The following ABCA3 variants were observed in gnomAD, a reference collection of about 807,000 sequenced individuals.
ABCA3 encodes phospholipid-transporting ATPase ABCA3.
Under a neutral mutation model 172.8 loss-of-function variants are expected in ABCA3, and 88 were observed. The observed-to-expected ratio is 0.51, with a 90% CI of 0.43 to 0.61. ABCA3 has a LOEUF of 0.61. Among genes scored for constraint, ABCA3 ranks in the 20% least tolerant of loss-of-function variants. The pLI, the probability that ABCA3 is intolerant of heterozygous loss-of-function variation, is 0.00. For synonymous variants in ABCA3, 1,066 were observed against 983.8 expected, an observed-to-expected ratio of 1.08 and a Z score of -1.56; for missense variants, 2,164 against 2,301.0, an observed-to-expected ratio of 0.94 and a Z score of 1.22.
Position 2,289,502 on chromosome 16 carries a change from T to C in ABCA3, c.2632A>G (p.Met878Val), listed in dbSNP as rs2093668552. The change falls in exon 20 of 33, where the codon ATG (methionine) becomes GTG (valine). Residue 878 changes from methionine to valine, a missense_variant. Physicochemically the swap from Met to Val is conservative, Grantham distance 21 (BLOSUM62 1). Coordinates refer to ENST00000301732, the MANE Select transcript of ABCA3 (RefSeq NM_001089.3). ...GCTCCAATGCCGTCGGAGGGGTCCA[T>C]GGCCCCACAGAGGTTGCTGTCCACA... The part of the protein sequence containing the change: ...WAVDSNLCGA[M>V]DPSDGIGALI... 2 of 1,578,294 alleles carry C rather than the reference T, an allele frequency of 1.3e-6. No homozygotes were observed. The highest frequency in any genetic ancestry group is 1.1e-5 in the South Asian group (1 of 87,052).
At position 2,285,720 on chromosome 16, in the gene ABCA3, T is replaced by G; in HGVS notation, c.3279-74A>C. On this transcript the variant is annotated intron_variant, in intron 22 of 32. Transcript: ENST00000301732. The surrounding 1 kb of genome is among the most constrained non-coding windows in gnomAD (Gnocchi z 4.7). The stretch of plus-strand genomic sequence containing the variant: ...GCAGGAGAGGTCGGGTTCTCGGTTA[T>G]GACCGCCCAAGGCATGCAGGGCAGC... The G allele has an allele frequency of 2.0e-6, 3 of 1,465,754 alleles. No individual in the cohort carries two copies. The East Asian group carries it at 7.4e-5, about 36-fold the overall frequency. The allele number at this position is 1,465,754 out of a possible 1,614,324, so 90.8% of individuals were successfully genotyped here.
rs532848561 is a variant in ABCA3 at position 2,283,720 on chromosome 16, A to G, written c.3863-362T>C. Reference sequence around the variant, plus strand: ...TGAGGAGGCCCCACAGGACAGGTCCAAGTTCTGTCCCCCTGGACCTGGGGT... The same window carrying G: ...TGAGGAGGCCCCACAGGACAGGTCCGAGTTCTGTCCCCCTGGACCTGGGGT... On this transcript the variant is annotated intron_variant, in intron 25 of 32. Coordinates refer to ENST00000301732, the MANE Select transcript of ABCA3 (RefSeq NM_001089.3). This position sits in a 1 kb window ranked among gnomAD's most constrained non-coding sequence, Gnocchi z 5.4. The G allele has an allele frequency of 6.1e-5, 19 of 313,790 alleles. No individual in the cohort carries two copies. Among genetic ancestry groups the G allele is most frequent in the African/African-American group, 3.8e-4 (18 of 47,108 alleles). 19.4% of individuals were successfully genotyped at this position (313,790 alleles called of 1,614,324 possible).
intron 11 of ABCA3, among the ~76,000 whole-genome samples, chr16:2,305,493 C>T (rs1443642289): frequency 6.6e-6 from 1 of 152,146 alleles, no homozygotes; most frequent in Non-Finnish European, 1.5e-5. Context: ...GACGGAGTTT[C>T]ACCATGTTGG....
chr16:2,332,620 G>A, intron 1 of ABCA3: 1 of 1,591,572 alleles, frequency 6.3e-7, no homozygotes, highest in Non-Finnish European at 8.6e-7. Context: ...CTGTAGCGTG[G>A]GCGGCTCAAT....
In ABCA3 at chr16:2,308,486, T is replaced by G. The variant is rs199499811; in HGVS notation, c.1249A>C (p.Met417Leu). ...AATTTCCCAATGAGCTGGGCTCCCA[T>G]TGCCATGGCGACATTAGACAGGAGG... ...SCLLSNVAMA[M>L]GAQLIGKFEA... Residue 417 changes from methionine (M) to leucine (L), a missense_variant, in exon 11 of 33, where the codon ATG becomes CTG. Coordinates refer to ENST00000301732, the MANE Select transcript of ABCA3 (RefSeq NM_001089.3). 3 of 1,614,150 alleles carry G rather than the reference T, an allele frequency of 1.9e-6. No individual in the cohort carries two copies. The East Asian group carries it at 6.7e-5, about 36-fold the overall frequency.
At position 2,319,623 on chromosome 16, in the gene ABCA3, G is replaced by A. The variant is rs374008345; in HGVS notation, c.831C>T (p.Thr277=). 56 of 1,613,390 alleles carry A rather than the reference G, an allele frequency of 3.5e-5. No individual in the cohort carries two copies. Among genetic ancestry groups the A allele is most frequent in the Non-Finnish European group, 4.1e-5 (48 of 1,180,034 alleles). The change falls in exon 8 of 33, where the codon ACC becomes ACT. Residue 277 remains threonine, a synonymous_variant. Transcript: ENST00000301732. ...TCTCCTGCACGACAGCACGGGCAAT[G>A]GTGAGCGCGGTGTAGGTGAAGCTGA... ...LLLSFTYTAL[T]IARAVVQEKE...
intron 11 of ABCA3, 135 bp from the exon 12 acceptor site, chr16:2,304,285 C>T (rs2093694104): frequency 6.7e-6 from 6 of 895,646 alleles, no homozygotes; most frequent in Non-Finnish European, 1.1e-5. Context: ...TTTCCCTTCC[C>T]GGTTTTATAA....
intron 11 of ABCA3, among the ~76,000 whole-genome samples, chr16:2,304,578 C>T (rs2093694615): frequency 7.0e-6 from 1 of 143,048 alleles, no homozygotes; most frequent in Non-Finnish European, 1.5e-5. Flanking sequence ...GCGATCTCGG[C>T]TCACTGCAAC....
Position 2,287,267 on chromosome 16 carries a change from C to T in ABCA3, c.3005-300G>A, listed in dbSNP as rs557315256. Among the ~76,000 whole-genome samples, 1 of 152,138 alleles carries T rather than the reference C, an allele frequency of 6.6e-6. No individual in the cohort carries two copies. The highest frequency in any genetic ancestry group is 2.1e-4 in the South Asian group (1 of 4,816). On this transcript the variant is annotated intron_variant, in intron 21 of 32. Coordinates refer to ENST00000301732, the MANE Select transcript of ABCA3 (RefSeq NM_001089.3). This position sits in a 1 kb window ranked among gnomAD's most constrained non-coding sequence, Gnocchi z 4.1. ...GTTCTGAGCCTGGGGCAGTATCCAA[C>T]TATGACTACCAAGACTCTTTCTTTT...
intron 17 of ABCA3, among the ~76,000 whole-genome samples, chr16:2,296,629 C>G (rs959318980): frequency 5.3e-5 from 8 of 152,354 alleles, no homozygotes; most frequent in Admixed American, 3.3e-4. Flanking sequence ...GTGAAACTCT[C>G]AGAGGCCGTG....
Position 2,278,529 on chromosome 16 carries a change from G to C in ABCA3, c.4548-71C>G. ...GCATTGGCTCCCATGTCCCAGTGGA[G>C]GCCCGTGTCCCAGCAGCGGCCCACA... On this transcript the variant is annotated intron_variant, in intron 29 of 32. Transcript: ENST00000301732. This position sits in a 1 kb window ranked among gnomAD's most constrained non-coding sequence, Gnocchi z 4.4. The C allele has an allele frequency of 6.3e-7, 1 of 1,577,448 alleles. No homozygotes were observed. The highest frequency in any genetic ancestry group is 8.6e-7 in the Non-Finnish European group (1 of 1,160,606).
At chr16:2,296,361 A>G (rs773646674) in intron 17 of ABCA3, among the ~76,000 whole-genome samples, 26 of 152,038 alleles carry the variant, frequency 1.7e-4, no homozygotes, top group Admixed American at 5.2e-4. Context: ...AGCCTCCCCA[A>G]GTAGCTGGGA....
rs984361642 is a variant in ABCA3, at chr16:2,295,711, C to A, written c.2293G>T (p.Glu765Ter). ...GAGYHMTLVK[E>*]PHCNPEDISQ... ...ATGTCTTCCGGGTTGCAGTGCGGCT[C>A]CTTCACCAGCGTCATGTGATAGCCG... is the stretch of plus-strand genomic sequence containing the variant. Residue 765 changes from glutamate to a stop codon, truncating the protein, a stop_gained, in exon 18 of 33, where the codon GAG (glutamate) becomes TAG (stop). Coordinates refer to ENST00000301732, the MANE Select transcript of ABCA3 (RefSeq NM_001089.3). LOFTEE classifies it high-confidence loss of function. The A allele has an allele frequency of 6.2e-7, 1 of 1,613,978 alleles. No individual in the cohort carries two copies. The highest frequency in any genetic ancestry group is 1.7e-5 in the Admixed American group (1 of 60,032).
At position 2,328,586 on chromosome 16, in the gene ABCA3, C is replaced by A. The variant is rs2093738142; in HGVS notation, c.-160G>T. 1.9e-6 allele frequency: 1 copy of A among 514,112 alleles called. No homozygotes were observed. 31.8% of individuals were successfully genotyped at this position (514,112 alleles called of 1,614,324 possible). On this transcript the variant is annotated 5_prime_UTR_variant, in exon 3 of 33. Transcript: ENST00000301732. ...ACGTGGCTGCTCTGTCCTGGAGAGG[C>A]AGGGAAGGCGATGGAGGAGGGGCAG...
Position 2,325,593 on chromosome 16 carries a change from T to A in ABCA3, c.319+417A>T, listed in dbSNP as rs116743292. Among the ~76,000 whole-genome samples, 261 of 152,322 alleles carry A rather than the reference T, an allele frequency of 1.7e-3. 1 individual carries two copies. Among genetic ancestry groups the A allele is most frequent in the African/African-American group, 6.1e-3 (255 of 41,568 alleles). On this transcript the variant is annotated intron_variant, in intron 5 of 32. Coordinates refer to ENST00000301732, the MANE Select transcript of ABCA3 (RefSeq NM_001089.3). ...TGCCAGGTCGTATTTAAGTCCCAAATATCTGCTACTTTCCTTATGTATCTT... is the reference window on the plus strand; with the variant it reads ...TGCCAGGTCGTATTTAAGTCCCAAAAATCTGCTACTTTCCTTATGTATCTT...
intron 8 of ABCA3, among the ~76,000 whole-genome samples, chr16:2,317,992 G>C (rs764264035): frequency 6.6e-6 from 1 of 152,188 alleles, no homozygotes; most frequent in Non-Finnish European, 1.5e-5. Context: ...CACTGCACCC[G>C]GCCAGCCCTC....
At chr16:2,306,153 A>C (rs1055795612) in intron 11 of ABCA3, among the ~76,000 whole-genome samples, 1 of 151,806 alleles carries the variant, frequency 6.6e-6, no homozygotes, top group African/African-American at 2.4e-5. Flanking sequence ...GGAGTTTGAG[A>C]CCAGCCTAGG....
In ABCA3 at chr16:2,297,184, G is replaced by A. The variant is rs111992844; in HGVS notation, c.2263+145C>T. 16 of 846,778 alleles carry A rather than the reference G, an allele frequency of 1.9e-5. No homozygotes were observed. The highest frequency in any genetic ancestry group is 1.5e-4 in the African/African-American group (9 of 59,712). The allele number at this position is 846,778 out of a possible 1,614,324, so 52.5% of individuals were successfully genotyped here. A position where few individuals can be genotyped will look rare whatever the true frequency, so the allele number is the denominator to read the frequency against. ...CTCTCACAAGCCCCCCTGCCTGGTT[G>A]GGCTCTCCACCCAGAGGCAACAGAC... On this transcript the variant is annotated intron_variant, in intron 17 of 32. Coordinates refer to ENST00000301732, the MANE Select transcript of ABCA3 (RefSeq NM_001089.3). The surrounding 1 kb of genome is among the most constrained non-coding windows in gnomAD (Gnocchi z 5.6).
At chr16:2,332,668 T>A in intron 1 of ABCA3, 1 of 1,601,116 alleles carries the variant, frequency 6.2e-7, no homozygotes, top group Admixed American at 1.7e-5. Context: ...GATGAGACCA[T>A]TGCCGCGTTT....
Sources: gnomAD v4.1 joint callset for allele counts (sites outside exome capture counted in the v4.1 genomes callset) on GRCh38, gnomAD v4.1.1 for gene constraint, Gnocchi (gnomAD v3.1) non-coding constraint, MANE v1.5 for transcripts, NCBI Gene and HGNC (gene_info 2026-07-23, HGNC 2026-07-21) for gene names.